LARP4B: variants seen among roughly 807,000 people sequenced by gnomAD.
The protein encoded by LARP4B is La ribonucleoprotein 4B.
In LARP4B, 12 loss-of-function variants were observed where a neutral mutation model predicts 89.8. The observed-to-expected ratio is 0.13, with a 90% CI of 0.09 to 0.22. The LOEUF is 0.22. Among genes scored for constraint, LARP4B ranks in the 10% least tolerant of loss-of-function variants. The pLI, the probability that LARP4B is intolerant of heterozygous loss-of-function variation, is 1.00. For missense variants in LARP4B, 757 were observed against 947.7 expected, an observed-to-expected ratio of 0.80 and a Z score of 2.64; for synonymous variants, 367 against 363.3, an observed-to-expected ratio of 1.01 and a Z score of -0.12.
chr10:848,449 C>T (rs1203665414), intron 5 of LARP4B, among the ~76,000 whole-genome samples: 1 of 151,754 alleles, frequency 6.6e-6, no homozygotes, highest in African/African-American at 2.4e-5. Context: ...GAAGTATCAA[C>T]CAACAGAAGC....
At chr10:818,086 G>C (rs1172641186) in intron 14 of LARP4B, 197 bp from the exon 15 acceptor site, 31 of 539,992 alleles carry the variant, frequency 5.7e-5, no homozygotes, top group Non-Finnish European at 9.8e-5. Flanking sequence ...AAATCTCAAG[G>C]ATGCTGCTGC....
chr10:927,520 A>G (rs1389894829), intron 1 of LARP4B, among the ~76,000 whole-genome samples: 1 of 152,238 alleles, frequency 6.6e-6, no homozygotes, highest in Non-Finnish European at 1.5e-5. Flanking sequence ...GAAGTAGAGT[A>G]GTTACAAAGA....
At chr10:952,527 A>G in the LARP4B span, among the ~76,000 whole-genome samples, 1 of 112,064 alleles carries the variant, frequency 8.9e-6, no homozygotes, top group Admixed American at 9.5e-5. Context: ...AAAGGAAGAA[A>G]TCGCACCAGC....
intron 12 of LARP4B, 43 bp downstream of exon 12, chr10:825,721 G>GT: frequency 7.6e-7 from 1 of 1,317,824 alleles, no homozygotes; most frequent in Non-Finnish European, 1.1e-6. Context: ...CGGAAGGGCA[G>GT]TAGCGTAAAG....
upstream of LARP4B, among the ~76,000 whole-genome samples, chr10:936,616 G>A (rs920322576): frequency 1.8e-4 from 27 of 152,132 alleles, no homozygotes; most frequent in African/African-American, 5.3e-4. Context: ...CCAGCTACTC[G>A]TGAGGCTGAG....
intron 9 of LARP4B, 77 bp downstream of exon 9, chr10:830,790 A>G: frequency 1.4e-6 from 1 of 691,988 alleles, no homozygotes; most frequent in Non-Finnish European, 2.6e-6. Context: ...TCAATGCCCA[A>G]GTTTAGTCCC....
At chr10:866,316 A>G (rs1331962193) in intron 3 of LARP4B, among the ~76,000 whole-genome samples, 2 of 152,124 alleles carry the variant, frequency 1.3e-5, no homozygotes, top group Non-Finnish European at 2.9e-5. Flanking sequence ...TCTAAACTTC[A>G]TTTTTGGCCT....
chr10:913,646 G>C (rs1342484231), intron 1 of LARP4B, among the ~76,000 whole-genome samples: 1 of 152,176 alleles, frequency 6.6e-6, no homozygotes, highest in Non-Finnish European at 1.5e-5. Flanking sequence ...TAACTGTTAA[G>C]AATGAATAAA....
At chr10:958,288 CCTGA>C in the LARP4B span, among the ~76,000 whole-genome samples, 1 of 152,200 alleles carries the variant, frequency 6.6e-6, no homozygotes, top group Non-Finnish European at 1.5e-5. Flanking sequence ...TCTTCTGGGA[CCTGA>C]CTATCTGACC....
the LARP4B span, among the ~76,000 whole-genome samples, chr10:950,965 C>T: frequency 5.3e-5 from 8 of 151,932 alleles, no homozygotes; most frequent in East Asian, 1.9e-4. Context: ...CCGTCCTTCC[C>T]GCCTGCCTGT....
At chr10:898,461 T>C (rs1836249577) in intron 1 of LARP4B, among the ~76,000 whole-genome samples, 1 of 152,238 alleles carries the variant, frequency 6.6e-6, no homozygotes, top group East Asian at 1.9e-4. Context: ...ACATTATTCG[T>C]AATAGCCAAG....
At chr10:946,310 T>C in the LARP4B span, among the ~76,000 whole-genome samples, 1 of 152,166 alleles carries the variant, frequency 6.6e-6, no homozygotes, top group Non-Finnish European at 1.5e-5. Flanking sequence ...TTTACACCCC[T>C]TTCCTTCTGT....
intron 11 of LARP4B, among the ~76,000 whole-genome samples, chr10:828,633 C>T (rs1832743834): frequency 6.6e-6 from 1 of 152,198 alleles, no homozygotes; most frequent in African/African-American, 2.4e-5. Flanking sequence ...TCAATTTCTG[C>T]TTTCTGACCA....
chr10:972,396 G>A, the LARP4B span: 1 of 424,250 alleles, frequency 2.4e-6, no homozygotes, highest in African/African-American at 2.0e-5. Flanking sequence ...CATGCTCTTG[G>A]ACTTCCCAGC....
intron 1 of LARP4B, among the ~76,000 whole-genome samples, chr10:925,168 T>C (rs146103387): frequency 6.6e-6 from 1 of 152,326 alleles, no homozygotes; most frequent in African/African-American, 2.4e-5. Context: ...AGCCAGCCAC[T>C]TCCAGAGGCC....
Position 843,075 on chromosome 10 carries a change from A to G in LARP4B, c.510-7T>C, listed in dbSNP as rs1236822594. On this transcript the variant is annotated splice_region_variant and splice_polypyrimidine_tract_variant and intron_variant, in intron 6 of 17. Transcript: ENST00000316157. ...GTCACTAGCAAGGTTCTCCCTGTTG[A>G]AAGAAAACAATCTCTTTTAATCAGT... 1.9e-6 allele frequency: 3 copies of G among 1,611,692 alleles called. No individual in the cohort carries two copies. Among genetic ancestry groups the G allele is most frequent in the Admixed American group, 1.7e-5 (1 of 59,656 alleles).
chr10:845,163 G>C, intron 5 of LARP4B, 108 bp from the exon 6 acceptor site: 1 of 707,660 alleles, frequency 1.4e-6, no homozygotes, highest in Non-Finnish European at 2.3e-6. Context: ...ACACAACTAC[G>C]TAAGTGTATC....
intron 1 of LARP4B, among the ~76,000 whole-genome samples, chr10:903,712 T>A (rs1474483592): frequency 6.6e-6 from 1 of 152,238 alleles, no homozygotes; most frequent in Non-Finnish European, 1.5e-5. Context: ...GGATCCTGCA[T>A]TTCTTCAAGG....
intron 1 of LARP4B, among the ~76,000 whole-genome samples, chr10:907,711 CTT>C (rs1016965773): frequency 9.2e-5 from 14 of 152,160 alleles, no homozygotes; most frequent in African/African-American, 3.4e-4. Context: ...TAATAAATGT[CTT>C]TTTGTATACT....
Sources: gnomAD v4.1 joint callset for allele counts (sites outside exome capture counted in the v4.1 genomes callset) on GRCh38, gnomAD v4.1.1 for gene constraint, MANE v1.5 for transcripts, NCBI Gene and HGNC (gene_info 2026-07-23, HGNC 2026-07-21) for gene names.